RNF111: variants seen among roughly 807,000 people sequenced by gnomAD.
The protein encoded by RNF111 is ring finger protein 111, also known as E3 ubiquitin-protein ligase Arkadia.
Under a neutral mutation model 95.1 loss-of-function variants are expected in RNF111, and 17 were observed. The observed-to-expected ratio is 0.18, with a 90% CI of 0.12 to 0.27. The LOEUF (loss-of-function observed/expected upper bound fraction) is 0.27. Ranked by LOEUF, RNF111 falls within the 10% of genes least tolerant of loss-of-function variation. The probability of loss-of-function intolerance (pLI) is 1.00; values close to 1 mark genes in which losing one functional copy is unlikely to be tolerated. For missense variants in RNF111, 1,189 were observed against 1,210.4 expected, an observed-to-expected ratio of 0.98 and a Z score of 0.26; for synonymous variants, 440 against 414.8, an observed-to-expected ratio of 1.06 and a Z score of -0.74.
intron 2 of RNF111, among the ~76,000 whole-genome samples, chr15:59,048,421 T>G (rs1351365021): frequency 6.6e-6 from 1 of 152,152 alleles, no homozygotes; most frequent in African/African-American, 2.4e-5. Context: ...AGAGAGCAGA[T>G]CAGTTGTTGC....
chr15:59,031,442 T>C lies in RNF111; in HGVS notation c.620T>C (p.Leu207Ser). ...MKRPCLHGSS[L>S]RRLPCRKRFV... Reference sequence around the variant, plus strand: ...AGACCCTGTTTACATGGCAGTTCGTTACGGAGACTTCCATGCAGAAAGAGA... The same window carrying C: ...AGACCCTGTTTACATGGCAGTTCGTCACGGAGACTTCCATGCAGAAAGAGA... Residue 207 changes from leucine (L) to serine (S), a missense_variant, in exon 2 of 14, where the codon TTA becomes TCA. Leu to Ser is a moderately radical substitution (Grantham distance 145). Around this residue, in one of 2 missense-constraint regions of RNF111, gnomAD observed 1,024 missense variants for 925.9 expected, o/e 1.11. Transcript: ENST00000348370. 6.2e-7 allele frequency: 1 copy of C among 1,614,240 alleles called. No individual in the cohort carries two copies. Among genetic ancestry groups the C allele is most frequent in the East Asian group, 2.2e-5 (1 of 44,884 alleles).
Position 59,078,510 on chromosome 15 carries a change from T to C in RNF111, c.1948+2295T>C, listed in dbSNP as rs143642836. Among the ~76,000 whole-genome samples the C allele has an allele frequency of 2.4e-3, 333 of 138,472 alleles. 3 individuals are homozygous for C. Among genetic ancestry groups the C allele is most frequent in the East Asian group, 6.3e-3 (29 of 4,634 alleles). The allele number at this position is 138,472 out of a possible 152,430, so 90.8% of individuals were successfully genotyped here. ...GTGCTGTTATCACACCTGTGAACAA[T>C]CCTTGTACTCCTGCCTGGACAACAT... On this transcript the variant is annotated intron_variant, in intron 7 of 13. Coordinates refer to ENST00000348370, the MANE Select transcript of RNF111 (RefSeq NM_017610.8).
rs2079181585 is a variant in RNF111 at position 59,096,719 on chromosome 15, C to G, written c.*1819C>G. 1 of 152,170 alleles carries G rather than the reference C, an allele frequency of 6.6e-6. No homozygotes were observed. The highest frequency in any genetic ancestry group is 6.6e-5 in the Admixed American group (1 of 15,260). 9.4% of individuals were successfully genotyped at this position (152,170 alleles called of 1,614,324 possible). A position where few individuals can be genotyped will look rare whatever the true frequency, so the allele number is the denominator to read the frequency against. ...AGGGGAGAGTGAAGGAGTCAGTGAC[C>G]TATGTCTGCCATCTTACTGGGGAAA... On this transcript the variant is annotated 3_prime_UTR_variant, in exon 14 of 14. Coordinates refer to ENST00000348370, the MANE Select transcript of RNF111 (RefSeq NM_017610.8).
At chr15:58,990,453 A>G (rs1435482021) in intron 1 of RNF111, among the ~76,000 whole-genome samples, 1 of 152,160 alleles carries the variant, frequency 6.6e-6, no homozygotes, top group Non-Finnish European at 1.5e-5. Context: ...TGAGGTGACC[A>G]GTCTGGCCAA....
At chr15:59,078,235 T>G (rs1596290619) in intron 7 of RNF111, among the ~76,000 whole-genome samples, 3 of 152,376 alleles carry the variant, frequency 2.0e-5, no homozygotes, top group Admixed American at 1.3e-4. Context: ...ATAAGTACAT[T>G]TATATGTATA....
chr15:59,095,271 A>C lies in RNF111; in HGVS notation c.*371A>C, dbSNP rs2079157680. Reference sequence around the variant, plus strand: ...GTTTTTTACATAGTACCAAGCCTTGATAATTATGAATTTTTTATCCATTAC... The same window carrying C: ...GTTTTTTACATAGTACCAAGCCTTGCTAATTATGAATTTTTTATCCATTAC... On this transcript the variant is annotated 3_prime_UTR_variant, in exon 14 of 14. Transcript: ENST00000348370. 2 of 192,012 alleles carry C rather than the reference A, an allele frequency of 1.0e-5. No homozygotes were observed. The highest frequency in any genetic ancestry group is 1.9e-4 in the South Asian group (2 of 10,706). 11.9% of individuals were successfully genotyped at this position (192,012 alleles called of 1,614,324 possible).
At chr15:59,033,306 CTG>C (rs2041009140) in intron 2 of RNF111, among the ~76,000 whole-genome samples, 1 of 152,090 alleles carries the variant, frequency 6.6e-6, no homozygotes, top group African/African-American at 2.4e-5. Context: ...CCTTTTTCAT[CTG>C]TATTTTTCTC....
rs779214952 is a variant in RNF111 at position 59,094,773 on chromosome 15, C to G, written c.2844-10C>G. The stretch of plus-strand genomic sequence containing the variant: ...TTAATTTTTGCTTTTTGTTTTCTTG[C>G]CAATAATAGACGTCTTCCATGTATG... On this transcript the variant is annotated splice_polypyrimidine_tract_variant and intron_variant, in intron 13 of 13. Coordinates refer to ENST00000348370, the MANE Select transcript of RNF111 (RefSeq NM_017610.8). 6.0e-6 allele frequency: 9 copies of G among 1,509,694 alleles called. No individual in the cohort carries two copies. The Middle Eastern group carries it at 5.1e-4, about 86-fold the overall frequency. 93.5% of individuals were successfully genotyped at this position (1,509,694 alleles called of 1,614,324 possible).
In RNF111 at chr15:59,081,106, C is replaced by T; in HGVS notation, c.2119C>T (p.Pro707Ser). 6.2e-7 allele frequency: 1 copy of T among 1,614,062 alleles called. No homozygotes were observed. The highest frequency in any genetic ancestry group is 8.5e-7 in the Non-Finnish European group (1 of 1,180,014). ...SSHATSHPVA[P>S]PPPTHLASTA... ...TCATGCAACATCTCATCCTGTGGCA[C>T]CCCCACCACCAACTCACTTAGCCAG... is the stretch of plus-strand genomic sequence containing the variant. Residue 707 changes from proline (P) to serine (S), a missense_variant, in exon 8 of 14, where the codon CCC (proline) becomes TCC (serine). This residue lies in a region of RNF111 where 1,024 missense variants were observed against 925.9 expected (regional missense o/e 1.11). Transcript: ENST00000348370.
chr15:59,039,547 T>A (rs1455294859), intron 2 of RNF111, among the ~76,000 whole-genome samples: 1 of 152,210 alleles, frequency 6.6e-6, no homozygotes, highest in African/African-American at 2.4e-5. Flanking sequence ...TATACTTTTT[T>A]AAATGATTTC....
intron 6 of RNF111, among the ~76,000 whole-genome samples, chr15:59,067,703 T>C (rs2042727965): frequency 6.6e-6 from 1 of 152,344 alleles, no homozygotes; most frequent in African/African-American, 2.4e-5. Flanking sequence ...TTAAATACAG[T>C]TGGATCTGAT....
intron 2 of RNF111, among the ~76,000 whole-genome samples, chr15:59,032,449 T>C (rs1260247460): frequency 6.6e-6 from 1 of 152,178 alleles, no homozygotes; most frequent in Admixed American, 6.5e-5. Context: ...TGAGGCAGCA[T>C]CTGGCTTTGT....
At position 59,052,178 on chromosome 15, in the gene RNF111, CT is replaced by C. The variant is rs2042017246; in HGVS notation, c.881-122del. 6.0e-6 allele frequency: 5 copies of C among 837,660 alleles called. No homozygotes were observed. The East Asian group carries it at 1.1e-4, about 19-fold the overall frequency. The allele number at this position is 837,660 out of a possible 1,614,324, so 51.9% of individuals were successfully genotyped here. The stretch of plus-strand genomic sequence containing the variant: ...TTCCTTGTGTATTTTTTTAAAAAAC[CT>C]TTTTGACAGATAAGATTTTTATTTT... On this transcript the variant is annotated intron_variant, in intron 2 of 13. Coordinates refer to ENST00000348370, the MANE Select transcript of RNF111 (RefSeq NM_017610.8).
intron 9 of RNF111, chr15:59,084,473 G>A: frequency 5.4e-6 from 2 of 373,594 alleles, no homozygotes; most frequent in Non-Finnish European, 9.4e-6. Flanking sequence ...CTTTTTTTAG[G>A]TGTTATTTTA....
chr15:59,018,276 A>C (rs953949552), intron 1 of RNF111, among the ~76,000 whole-genome samples: 4 of 152,184 alleles, frequency 2.6e-5, no homozygotes, highest in African/African-American at 9.7e-5. Flanking sequence ...ATTCCATTCA[A>C]ATCTGCTAAC....
At chr15:59,008,070 G>T (rs567670074) in intron 1 of RNF111, among the ~76,000 whole-genome samples, 1 of 152,184 alleles carries the variant, frequency 6.6e-6, no homozygotes, top group East Asian at 1.9e-4. Flanking sequence ...TGAAATCTTT[G>T]CCCATGATAT....
chr15:59,024,332 A>G (rs1207187766), intron 1 of RNF111, among the ~76,000 whole-genome samples: 1 of 152,176 alleles, frequency 6.6e-6, no homozygotes, highest in African/African-American at 2.4e-5. Context: ...AAAAATACTA[A>G]TTGAGTGCCT....
chr15:59,042,306 T>C (rs1465079802), intron 2 of RNF111, among the ~76,000 whole-genome samples: 1 of 152,028 alleles, frequency 6.6e-6, no homozygotes, highest in Non-Finnish European at 1.5e-5. Context: ...TTTATATTTT[T>C]AGGAGGGATG....
At chr15:58,999,397 G>C (rs2039226944) in intron 1 of RNF111, among the ~76,000 whole-genome samples, 1 of 152,132 alleles carries the variant, frequency 6.6e-6, no homozygotes, top group Admixed American at 6.6e-5. Flanking sequence ...GTGCAGTGGT[G>C]CAATCTCAGT....
Sources: allele counts gnomAD v4.1 joint callset (sites outside exome capture counted in the v4.1 genomes callset), GRCh38; gene constraint gnomAD v4.1.1; regional missense constraint gnomAD v4.1.1; transcripts MANE v1.5; gene names NCBI Gene and HGNC (gene_info 2026-07-23, HGNC 2026-07-21).